The following GLCCI1 variants were observed in gnomAD, a reference collection of about 807,000 sequenced individuals.
The protein encoded by GLCCI1 is glucocorticoid induced 1.
Under a neutral mutation model 52.2 loss-of-function variants are expected in GLCCI1, and 24 were observed. The observed-to-expected ratio is 0.46, with a 90% CI of 0.33 to 0.65. The LOEUF (loss-of-function observed/expected upper bound fraction) is 0.65, where lower values mean the gene tolerates loss of function less well. GLCCI1 is among the 30% of genes least tolerant of loss of function. The probability of loss-of-function intolerance (pLI) is 0.02; values close to 1 mark genes in which losing one functional copy is unlikely to be tolerated. For missense variants in GLCCI1, 704 were observed against 701.5 expected, an observed-to-expected ratio of 1.00 and a Z score of -0.04; for synonymous variants, 310 against 276.5, an observed-to-expected ratio of 1.12 and a Z score of -1.20.
intron 5 of GLCCI1, among the ~76,000 whole-genome samples, chr7:8,069,413 T>G (rs940099025): frequency 6.6e-6 from 1 of 151,916 alleles, no homozygotes; most frequent in Non-Finnish European, 1.5e-5. Context: ...GCAAGGGCAG[T>G]ACCACTGCAG....
chr7:8,023,588 C>CTTTTTATTTTTTTTTTTTTT (rs1781544397), intron 3 of GLCCI1, among the ~76,000 whole-genome samples: 1 of 41,984 alleles, frequency 2.4e-5, no homozygotes, highest in Non-Finnish European at 4.3e-5. Context: ...CTCTGTTATT[C>CTTTTTATTTTTTTTTTTTTT]TTTTTTTTTT....
intron 6 of GLCCI1, among the ~76,000 whole-genome samples, chr7:8,075,036 A>G (rs1782846964): frequency 1.3e-5 from 2 of 152,146 alleles, no homozygotes; most frequent in South Asian, 4.1e-4. Flanking sequence ...TTCATTTTAT[A>G]TACGTATTCT....
intron 6 of GLCCI1, among the ~76,000 whole-genome samples, chr7:8,071,778 A>C (rs1047272749): frequency 6.6e-6 from 1 of 152,202 alleles, no homozygotes; most frequent in East Asian, 1.9e-4. Flanking sequence ...ACAGAAGGCC[A>C]TATAGACTGC....
At position 7,969,578 on chromosome 7, in the gene GLCCI1, C is replaced by T; in HGVS notation, c.228C>T (p.Ser76=). ...TGCCCTACCAGCTCTTGCGGGGCAG[C>T]CAGCACAGTCCCACGCGTCCGCCCG... ...ATVPYQLLRG[S]QHSPTRPPVA... The change falls in exon 1 of 8, where the codon AGC becomes AGT. Residue 76 remains serine, a synonymous_variant. Transcript: ENST00000223145. This position sits in a 1 kb window ranked among gnomAD's most constrained non-coding sequence, Gnocchi z 4.9. 9.7e-7 allele frequency: 1 copy of T among 1,032,914 alleles called. No individual in the cohort carries two copies. The highest frequency in any genetic ancestry group is 1.2e-6 in the Non-Finnish European group (1 of 862,014). 64.0% of individuals were successfully genotyped at this position (1,032,914 alleles called of 1,614,324 possible).
intron 1 of GLCCI1, among the ~76,000 whole-genome samples, chr7:7,970,231 C>A (rs553086157): frequency 6.6e-6 from 1 of 152,228 alleles, no homozygotes; most frequent in South Asian, 2.1e-4. Context: ...CTGTAACTAC[C>A]GGGATAGTAT....
chr7:8,040,913 C>T lies in GLCCI1; in HGVS notation c.697-14520C>T, dbSNP rs113026589. 2.6e-4 allele frequency among the ~76,000 whole-genome samples: 39 copies of T among 152,184 alleles called. 1 individual carries two copies. Among genetic ancestry groups the T allele is most frequent in the African/African-American group, 5.8e-4 (24 of 41,526 alleles). ...TGAGACACAATAATAGTGAAATAGG[C>T]CAACTAATACTCCTACAGTGACCTC... is the stretch of plus-strand genomic sequence containing the variant. On this transcript the variant is annotated intron_variant, in intron 3 of 7. Coordinates refer to ENST00000223145, the MANE Select transcript of GLCCI1 (RefSeq NM_138426.4).
intron 3 of GLCCI1, among the ~76,000 whole-genome samples, chr7:8,051,562 T>C (rs1378400242): frequency 6.6e-6 from 1 of 152,202 alleles, no homozygotes; most frequent in Non-Finnish European, 1.5e-5. Flanking sequence ...CCAGAAAATC[T>C]TATGTGGTGA....
intron 7 of GLCCI1, among the ~76,000 whole-genome samples, chr7:8,085,543 G>A (rs948867904): frequency 1.5e-4 from 23 of 152,356 alleles, no homozygotes; most frequent in African/African-American, 5.3e-4. Flanking sequence ...TAGCTCAGAA[G>A]AAGACTGTGG....
chr7:8,061,921 C>T (rs1782526397), intron 5 of GLCCI1, among the ~76,000 whole-genome samples: 1 of 152,056 alleles, frequency 6.6e-6, no homozygotes, highest in African/African-American at 2.4e-5. Flanking sequence ...CCCACCTCGG[C>T]CTCCCAACGT....
intron 1 of GLCCI1, among the ~76,000 whole-genome samples, chr7:7,978,397 G>A (rs959394181): frequency 1.3e-5 from 2 of 151,992 alleles, no homozygotes; most frequent in African/African-American, 4.8e-5. Context: ...CACTGTCATG[G>A]CAAAGCAATG....
At chr7:7,994,995 G>A (rs1780912145) in intron 1 of GLCCI1, among the ~76,000 whole-genome samples, 1 of 152,192 alleles carries the variant, frequency 6.6e-6, no homozygotes, top group African/African-American at 2.4e-5. Context: ...TGGACAAATA[G>A]GGAGAGCATG....
intron 1 of GLCCI1, chr7:7,982,355 C>T (rs972287631): frequency 4.5e-5 from 8 of 176,616 alleles, no homozygotes; most frequent in African/African-American, 1.7e-4. Flanking sequence ...GGATTATCAC[C>T]CTTTAGATTA....
chr7:7,985,033 T>C (rs1780694777), intron 1 of GLCCI1, among the ~76,000 whole-genome samples: 1 of 152,250 alleles, frequency 6.6e-6, no homozygotes. Context: ...TCTGTCCTTC[T>C]TCCAAGAAAA....
At chr7:8,026,596 A>G (rs1252403471) in intron 3 of GLCCI1, among the ~76,000 whole-genome samples, 1 of 152,256 alleles carries the variant, frequency 6.6e-6, no homozygotes, top group Non-Finnish European at 1.5e-5. Flanking sequence ...TGTGCGGAGC[A>G]CAGAATCTGT....
In GLCCI1 at chr7:8,071,220, T is replaced by C. The variant is rs2127964720; in HGVS notation, c.1177+89T>C. ...GACCATTACATCTTTTTTTTTTTCT[T>C]TTGTTCAATGGTGACATTGTCAAAG... is the stretch of plus-strand genomic sequence containing the variant. On this transcript the variant is annotated intron_variant, in intron 6 of 7. Coordinates refer to ENST00000223145, the MANE Select transcript of GLCCI1 (RefSeq NM_138426.4). 2.9e-6 allele frequency: 3 copies of C among 1,027,828 alleles called. No individual in the cohort carries two copies. The South Asian group carries it at 4.7e-5, about 16-fold the overall frequency. The allele number at this position is 1,027,828 out of a possible 1,614,324, so 63.7% of individuals were successfully genotyped here. A position where few individuals can be genotyped will look rare whatever the true frequency, so the allele number is the denominator to read the frequency against.
At chr7:8,036,312 A>G (rs1375283593) in intron 3 of GLCCI1, among the ~76,000 whole-genome samples, 1 of 152,228 alleles carries the variant, frequency 6.6e-6, no homozygotes, top group Non-Finnish European at 1.5e-5. Context: ...AGTAACTCAT[A>G]GAAACTTTGC....
At chr7:8,048,702 G>A (rs1163800632) in intron 3 of GLCCI1, among the ~76,000 whole-genome samples, 3 of 152,112 alleles carry the variant, frequency 2.0e-5, no homozygotes, top group African/African-American at 7.2e-5. Context: ...ATAGATGCTA[G>A]CAGAAGGTAT....
At chr7:8,019,861 T>C (rs1338416507) in intron 2 of GLCCI1, among the ~76,000 whole-genome samples, 2 of 152,234 alleles carry the variant, frequency 1.3e-5, no homozygotes, top group Non-Finnish European at 2.9e-5. Context: ...GAATGGAGTT[T>C]GCAGGACTGG....
intron 6 of GLCCI1, among the ~76,000 whole-genome samples, chr7:8,081,042 T>TA (rs1403540815): frequency 3.3e-5 from 5 of 152,106 alleles, no homozygotes; most frequent in Admixed American, 6.5e-5. Context: ...ATTTTATAGA[T>TA]AAAAAAACAG....
Sources: allele counts gnomAD v4.1 joint callset (sites outside exome capture counted in the v4.1 genomes callset), GRCh38; gene constraint gnomAD v4.1.1; non-coding constraint Gnocchi (gnomAD v3.1); transcripts MANE v1.5; gene names NCBI Gene and HGNC (gene_info 2026-07-23, HGNC 2026-07-21).